The following CACNA1B variants were observed in gnomAD, a reference collection of about 807,000 sequenced individuals.
The protein encoded by CACNA1B is calcium voltage-gated channel subunit alpha1 B.
Under a neutral mutation model 247.2 loss-of-function variants are expected in CACNA1B, and 70 were observed. The ratio of observed to expected loss-of-function variants is 0.28; its 90% CI spans 0.23 to 0.35. The LOEUF (loss-of-function observed/expected upper bound fraction) is 0.35. Among genes scored for constraint, CACNA1B ranks in the 10% least tolerant of loss-of-function variants. The pLI is 1.00. For synonymous variants in CACNA1B, 1,231 were observed against 1,294.4 expected, an observed-to-expected ratio of 0.95 and a Z score of 1.05; for missense variants, 2,367 against 3,197.4, an observed-to-expected ratio of 0.74 and a Z score of 6.26.
intron 44 of CACNA1B, among the ~76,000 whole-genome samples, chr9:138,119,650 C>G (rs555518706): frequency 1.3e-5 from 2 of 152,304 alleles, no homozygotes; most frequent in Admixed American, 1.3e-4. Flanking sequence ...TCTCTTTCCC[C>G]GCCCAGTGGT....
chr9:138,074,830 C>A (rs1960259429), intron 34 of CACNA1B, among the ~76,000 whole-genome samples: 1 of 152,246 alleles, frequency 6.6e-6, no homozygotes, highest in Non-Finnish European at 1.5e-5. Flanking sequence ...GTCGGTTATC[C>A]TGTTAGTCTG....
At chr9:138,003,085 T>C (rs1226661231) in intron 15 of CACNA1B, among the ~76,000 whole-genome samples, 2 of 151,642 alleles carry the variant, frequency 1.3e-5, no homozygotes, top group African/African-American at 4.8e-5. Context: ...CGTGAGCCAC[T>C]GTGCCTGGCC....
rs1200902050 is a variant in CACNA1B, at chr9:138,073,040, GA to G, written c.4675-446del. On this transcript the variant is annotated intron_variant, in intron 32 of 46. Transcript: ENST00000371372. The surrounding 1 kb of genome is among the most constrained non-coding windows in gnomAD (Gnocchi z 6.4). ...GCCAGGGAGGAAAGGGCATAGCCGT[GA>G]AGCCTGGGCGGGGGTCCCTTCCGGG... 6.6e-6 allele frequency among the ~76,000 whole-genome samples: 1 copy of G among 152,244 alleles called. No individual in the cohort carries two copies. The highest frequency in any genetic ancestry group is 2.4e-5 in the African/African-American group (1 of 41,464).
At position 137,957,198 on chromosome 9, in the gene CACNA1B, C is replaced by T. The variant is rs1374446440; in HGVS notation, c.1243+371C>T. Among the ~76,000 whole-genome samples, 2 of 152,232 alleles carry T rather than the reference C, an allele frequency of 1.3e-5. No homozygotes were observed. The highest frequency in any genetic ancestry group is 2.9e-5 in the Non-Finnish European group (2 of 68,044). ...GAAGGCTGCCCTCTCTGCACACCCA[C>T]CGCTCAGGTCAGGGCCAGACAGCAT... On this transcript the variant is annotated intron_variant, in intron 9 of 46. Coordinates refer to ENST00000371372, the MANE Select transcript of CACNA1B (RefSeq NM_000718.4). The surrounding 1 kb of genome is among the most constrained non-coding windows in gnomAD (Gnocchi z 4.7).
At chr9:137,987,553 A>T (rs1362098737) in intron 15 of CACNA1B, among the ~76,000 whole-genome samples, 1 of 152,148 alleles carries the variant, frequency 6.6e-6, no homozygotes, top group Non-Finnish European at 1.5e-5. Context: ...CTTGCCTGTG[A>T]TGCCTCTTAC....
At position 137,921,130 on chromosome 9, in the gene CACNA1B, G is replaced by C. The variant is rs73668501; in HGVS notation, c.966+3699G>C. Among the ~76,000 whole-genome samples the C allele has an allele frequency of 4.8e-3, 734 of 152,312 alleles. 8 individuals carry two copies. Among genetic ancestry groups the C allele is most frequent in the African/African-American group, 0.016 (678 of 41,574 alleles). ...TGAGATCACCTGGGTAATAAGTGCA[G>C]ATGGAGAAAAGAAGGCCCAAGGCTG... On this transcript the variant is annotated intron_variant, in intron 6 of 46. Coordinates refer to ENST00000371372, the MANE Select transcript of CACNA1B (RefSeq NM_000718.4).
Position 138,104,018 on chromosome 9 carries a change from C to T in CACNA1B, c.5319+1211C>T, listed in dbSNP as rs549218130. Among the ~76,000 whole-genome samples the T allele has an allele frequency of 1.3e-3, 199 of 152,328 alleles. 1 individual carries two copies. The highest frequency in any genetic ancestry group is 4.3e-3 in the Admixed American group (66 of 15,308). ...GGAGAGCTCTGTCCACACTTGGCGCCGGGGCAAGCAGGCAGGGCCATGATG... is the reference window on the plus strand; with the variant it reads ...GGAGAGCTCTGTCCACACTTGGCGCTGGGGCAAGCAGGCAGGGCCATGATG... On this transcript the variant is annotated intron_variant, in intron 38 of 46. Transcript: ENST00000371372.
intron 3 of CACNA1B, among the ~76,000 whole-genome samples, chr9:137,898,976 T>G (rs1181665502): frequency 6.6e-6 from 1 of 152,124 alleles, no homozygotes; most frequent in Non-Finnish European, 1.5e-5. Context: ...CTAACTATGT[T>G]GCCCAGGCTG....
intron 3 of CACNA1B, among the ~76,000 whole-genome samples, chr9:137,910,420 T>C (rs1010766618): frequency 3.3e-5 from 5 of 152,108 alleles, no homozygotes; most frequent in Admixed American, 3.3e-4. Context: ...TGGAAGACAA[T>C]TTTTCCACAG....
chr9:137,979,538 A>T (rs1656566628), intron 12 of CACNA1B, among the ~76,000 whole-genome samples: 1 of 152,120 alleles, frequency 6.6e-6, no homozygotes, highest in South Asian at 2.1e-4. Context: ...AGAGGAATAT[A>T]TGGGGGCAGG....
rs1159643915 is a variant in CACNA1B, at chr9:138,051,195, G to A, written c.3711-897G>A. ...AATCTCTCCTAGACACTGCTGGCCCGGCCTCAGTAGGGTCGTGGGAGGTCC... is the reference window on the plus strand; with the variant it reads ...AATCTCTCCTAGACACTGCTGGCCCAGCCTCAGTAGGGTCGTGGGAGGTCC... On this transcript the variant is annotated intron_variant, in intron 24 of 46. Coordinates refer to ENST00000371372, the MANE Select transcript of CACNA1B (RefSeq NM_000718.4). The surrounding 1 kb of genome is among the most constrained non-coding windows in gnomAD (Gnocchi z 4.3). Among the ~76,000 whole-genome samples the A allele has an allele frequency of 3.9e-5, 6 of 152,046 alleles. No homozygotes were observed. Among genetic ancestry groups the A allele is most frequent in the South Asian group, 4.2e-4 (2 of 4,806 alleles).
intron 3 of CACNA1B, among the ~76,000 whole-genome samples, chr9:137,906,932 A>G (rs549268806): frequency 6.6e-6 from 1 of 152,312 alleles, no homozygotes; most frequent in South Asian, 2.1e-4. Flanking sequence ...GATTTTTCTT[A>G]GAGAACTAAA....
chr9:138,069,984 CTGGCCG>C (rs1201780687), intron 32 of CACNA1B, among the ~76,000 whole-genome samples: 23 of 152,366 alleles, frequency 1.5e-4, no homozygotes, highest in African/African-American at 5.0e-4. Context: ...ATTCTGGGAA[CTGGCCG>C]TGGGCAGGGC....
chr9:138,029,516 A>G (rs907919866), intron 20 of CACNA1B, among the ~76,000 whole-genome samples: 6 of 151,960 alleles, frequency 3.9e-5, no homozygotes, highest in Non-Finnish European at 8.8e-5. Context: ...ACATAGCCTT[A>G]AGAGTGGCTT....
At chr9:137,896,441 T>G (rs1350431489) in intron 3 of CACNA1B, among the ~76,000 whole-genome samples, 1 of 152,174 alleles carries the variant, frequency 6.6e-6, no homozygotes, top group East Asian at 1.9e-4. Context: ...CAGTGGTTGA[T>G]TTTTTGAGTC....
intron 3 of CACNA1B, among the ~76,000 whole-genome samples, chr9:137,894,555 C>A (rs1957150774): frequency 6.6e-6 from 1 of 151,974 alleles, no homozygotes; most frequent in Non-Finnish European, 1.5e-5. Context: ...ACTGCAGGCG[C>A]CCGCCACCAC....
At chr9:137,924,882 G>A (rs557166135) in intron 6 of CACNA1B, among the ~76,000 whole-genome samples, 15 of 152,308 alleles carry the variant, frequency 9.8e-5, no homozygotes, top group Admixed American at 2.6e-4. Flanking sequence ...GAAAGGAAGC[G>A]GACCTTGGTG....
At chr9:137,910,459 G>A (rs550213720) in intron 3 of CACNA1B, among the ~76,000 whole-genome samples, 2 of 152,182 alleles carry the variant, frequency 1.3e-5, no homozygotes, top group South Asian at 2.1e-4. Context: ...GTTTTGGGAC[G>A]ATTCAAGTGC....
At chr9:137,916,130 T>A (rs1208191935) in intron 5 of CACNA1B, among the ~76,000 whole-genome samples, 1 of 151,554 alleles carries the variant, frequency 6.6e-6, no homozygotes, top group Non-Finnish European at 1.5e-5. Flanking sequence ...CCTCCCAGGT[T>A]CTAGCAATTC....
Sources: allele counts gnomAD v4.1 joint callset (sites outside exome capture counted in the v4.1 genomes callset), GRCh38; gene constraint gnomAD v4.1.1; non-coding constraint Gnocchi (gnomAD v3.1); transcripts MANE v1.5; gene names NCBI Gene and HGNC (gene_info 2026-07-23, HGNC 2026-07-21).